Variants in TRDN observed in about 807,000 individuals in gnomAD.
TRDN encodes triadin.
Under a neutral mutation model 149.7 loss-of-function variants are expected in TRDN, and 161 were observed. That is an observed-to-expected ratio of 1.08 (90% CI 0.95 to 1.23). The LOEUF is 1.23. TRDN is among the 50% of genes most tolerant of loss of function. The pLI is 0.00. For missense variants in TRDN, 896 were observed against 823.5 expected (o/e 1.09, Z -1.08); for synonymous variants, 294 against 250.5 (o/e 1.17, Z -1.64).
intron 1 of TRDN, among the ~76,000 whole-genome samples, chr6:123,618,880 TC>T (rs1452070802): frequency 6.6e-6 from 1 of 152,214 alleles, no homozygotes; most frequent in African/African-American, 2.4e-5. Flanking sequence ...TCTTCCTTGT[TC>T]TTTTTTATGA....
At chr6:123,237,913 A>G (rs1006928853) in intron 38 of TRDN, among the ~76,000 whole-genome samples, 2 of 152,196 alleles carry the variant, frequency 1.3e-5, no homozygotes, top group Admixed American at 1.3e-4. Context: ...ATTACACAGG[A>G]AGAAATGACA....
chr6:123,592,185 G>A (rs1783822366), intron 1 of TRDN, among the ~76,000 whole-genome samples: 1 of 152,100 alleles, frequency 6.6e-6, no homozygotes, highest in South Asian at 2.1e-4. Context: ...TTTTCTCTGG[G>A]CAATTGCATT....
intron 29 of TRDN, among the ~76,000 whole-genome samples, chr6:123,271,915 C>T (rs1326583058): frequency 6.6e-6 from 1 of 151,814 alleles, no homozygotes; most frequent in Admixed American, 6.6e-5. Context: ...AAGTCTGTCA[C>T]TTCTCTTTAT....
At chr6:123,533,416 A>T (rs1780347337) in intron 4 of TRDN, among the ~76,000 whole-genome samples, 1 of 152,066 alleles carries the variant, frequency 6.6e-6, no homozygotes, top group Non-Finnish European at 1.5e-5. Flanking sequence ...TGCCTGAAAA[A>T]ATCCTGTCAG....
At position 123,256,586 on chromosome 6, in the gene TRDN, A is replaced by T. The variant is rs1285796905; in HGVS notation, c.1871-684T>A. 4.0e-5 allele frequency among the ~76,000 whole-genome samples: 6 copies of T among 151,810 alleles called. No individual in the cohort carries two copies. The East Asian group carries it at 1.2e-3, about 29-fold the overall frequency. ...TGCATTTCTCTAGTGACTGGTGATG[A>T]TGAGCTTTTTAAAATATGTTTGCCT... On this transcript the variant is annotated intron_variant, in intron 35 of 40. Transcript: ENST00000334268.
chr6:123,583,407 C>A (rs1201915562), intron 1 of TRDN, among the ~76,000 whole-genome samples: 1 of 152,076 alleles, frequency 6.6e-6, no homozygotes, highest in Admixed American at 6.6e-5. Flanking sequence ...TTGTAGTATT[C>A]TGAGGACAGG....
chr6:123,508,019 G>T (rs1475333816), intron 7 of TRDN, among the ~76,000 whole-genome samples: 2 of 151,076 alleles, frequency 1.3e-5, no homozygotes, highest in African/African-American at 4.9e-5. Context: ...CACTGTAACT[G>T]CCTCTTCCTC....
intron 37 of TRDN, among the ~76,000 whole-genome samples, chr6:123,253,172 A>G (rs1406102458): frequency 6.6e-6 from 1 of 152,074 alleles, no homozygotes; most frequent in Non-Finnish European, 1.5e-5. Flanking sequence ...TCTTCAAAGA[A>G]ATGTGCTTTC....
intron 12 of TRDN, among the ~76,000 whole-genome samples, chr6:123,408,861 A>C (rs1773311568): frequency 6.6e-6 from 1 of 152,140 alleles, no homozygotes; most frequent in South Asian, 2.1e-4. Flanking sequence ...TTAAAGTGGA[A>C]CCCATAGAAT....
At chr6:123,559,804 G>A (rs1044021775) in intron 2 of TRDN, among the ~76,000 whole-genome samples, 26 of 152,268 alleles carry the variant, frequency 1.7e-4, no homozygotes, top group South Asian at 1.0e-3. Flanking sequence ...TATCCACCCT[G>A]TGGTTCCAAA....
At chr6:123,396,751 A>G (rs1582965954) in intron 12 of TRDN, among the ~76,000 whole-genome samples, 1 of 152,246 alleles carries the variant, frequency 6.6e-6, no homozygotes, top group African/African-American at 2.4e-5. Context: ...AAAAGATATC[A>G]TTAGTCTGCA....
At chr6:123,443,636 C>CA (rs1187060569) in intron 10 of TRDN, among the ~76,000 whole-genome samples, 1 of 151,994 alleles carries the variant, frequency 6.6e-6, no homozygotes, top group Non-Finnish European at 1.5e-5. Context: ...ACTAAAAATA[C>CA]AAAAAATTAG....
chr6:123,464,128 C>T (rs778836343), intron 10 of TRDN: 1 of 461,986 alleles, frequency 2.2e-6, no homozygotes, highest in Non-Finnish European at 2.8e-6. Context: ...TGAGTCTTGA[C>T]AGAGAAGGAA....
At chr6:123,565,556 A>G (rs752054738) in intron 2 of TRDN, among the ~76,000 whole-genome samples, 9 of 152,306 alleles carry the variant, frequency 5.9e-5, no homozygotes, top group Non-Finnish European at 7.3e-5. Context: ...GAAATCCCTT[A>G]TATGTATGTT....
intron 1 of TRDN, among the ~76,000 whole-genome samples, chr6:123,626,911 A>ATTATTTTATTTTATTTTATT (rs555180710): frequency 1.3e-5 from 2 of 150,898 alleles, no homozygotes; most frequent in East Asian, 1.9e-4. Flanking sequence ...TTAATTTTTT[A>ATTATTTTATTTTATTTTATT]TTATTTTATT....
intron 18 of TRDN, among the ~76,000 whole-genome samples, chr6:123,376,906 T>C (rs1018349552): frequency 6.6e-6 from 1 of 152,018 alleles, no homozygotes; most frequent in African/African-American, 2.4e-5. Context: ...CACACAATAC[T>C]AAATAACTCA....
At chr6:123,555,938 C>A (rs895619290) in intron 2 of TRDN, among the ~76,000 whole-genome samples, 1 of 152,028 alleles carries the variant, frequency 6.6e-6, no homozygotes, top group Admixed American at 6.6e-5. Flanking sequence ...TTTCAAGGAT[C>A]CTCACATGGA....
At chr6:123,347,067 T>C (rs1780281895) in intron 21 of TRDN, among the ~76,000 whole-genome samples, 1 of 151,986 alleles carries the variant, frequency 6.6e-6, no homozygotes, top group African/African-American at 2.4e-5. Context: ...GTAGAAACAG[T>C]GAACCTTGGC....
chr6:123,583,743 AG>A (rs1783260542), intron 1 of TRDN, among the ~76,000 whole-genome samples: 4 of 152,140 alleles, frequency 2.6e-5, no homozygotes, highest in African/African-American at 9.7e-5. Context: ...ATCCAGTGAA[AG>A]TGTCTACCTA....
Sources: allele counts gnomAD v4.1 joint callset (sites outside exome capture counted in the v4.1 genomes callset), GRCh38; gene constraint gnomAD v4.1.1; transcripts MANE v1.5; gene names NCBI Gene and HGNC (gene_info 2026-07-23, HGNC 2026-07-21).